The following OPCML variants were observed in gnomAD, a reference collection of about 807,000 sequenced individuals.
The protein encoded by OPCML is opioid binding protein/cell adhesion molecule like.
OPCML carries 13 observed loss-of-function variants against 37.8 expected under a neutral mutation model. The ratio of observed to expected loss-of-function variants is 0.34; its 90% CI spans 0.22 to 0.55. The LOEUF is 0.55. OPCML is among the 20% of genes least tolerant of loss of function. The pLI is 0.91. For synonymous variants in OPCML, 176 were observed against 168.8 expected (o/e 1.04, Z -0.33); for missense variants, 341 against 435.6 (o/e 0.78, Z 1.93).
intron 2 of OPCML, among the ~76,000 whole-genome samples, chr11:132,719,309 T>A (rs1471756648): frequency 1.3e-5 from 2 of 152,218 alleles, no homozygotes; most frequent in Non-Finnish European, 2.9e-5. Context: ...TTCCTGTTCA[T>A]ATGTTTGGTT....
At chr11:132,774,172 TGAG>T (rs1278688970) in intron 2 of OPCML, among the ~76,000 whole-genome samples, 1 of 152,176 alleles carries the variant, frequency 6.6e-6, no homozygotes, top group African/African-American at 2.4e-5. Flanking sequence ...CCATTTTAAA[TGAG>T]GCAGCTCCTA....
At chr11:133,390,130 A>G (rs755540505) in intron 1 of OPCML, among the ~76,000 whole-genome samples, 1 of 152,178 alleles carries the variant, frequency 6.6e-6, no homozygotes, top group Non-Finnish European at 1.5e-5. Flanking sequence ...TTTATAATTT[A>G]TGACTGGAAC....
At chr11:133,105,327 G>A (rs1005709507) in intron 1 of OPCML, among the ~76,000 whole-genome samples, 102 of 152,188 alleles carry the variant, frequency 6.7e-4, no homozygotes, top group Non-Finnish European at 1.0e-4. Context: ...CATTAACGAG[G>A]TTATGCAGTG....
chr11:133,438,289 A>G (rs1249063292), intron 1 of OPCML, among the ~76,000 whole-genome samples: 1 of 152,198 alleles, frequency 6.6e-6, no homozygotes, highest in East Asian at 1.9e-4. Flanking sequence ...TGTAACCACT[A>G]GAAGAATATA....
intron 2 of OPCML, among the ~76,000 whole-genome samples, chr11:132,723,287 G>A (rs758242274): frequency 6.6e-6 from 1 of 152,156 alleles, no homozygotes; most frequent in Non-Finnish European, 1.5e-5. Context: ...GCATTCATAT[G>A]GTGTGTTCTT....
At chr11:132,780,261 A>C (rs1565858035) in intron 2 of OPCML, among the ~76,000 whole-genome samples, 2 of 152,332 alleles carry the variant, frequency 1.3e-5, no homozygotes, top group South Asian at 4.1e-4. Flanking sequence ...TCTGCTCCAC[A>C]CTGTACGTGA....
chr11:133,015,371 T>TGAAGGAAGGAAGAAAGGAAGGAATGAAG (rs1947302374), intron 1 of OPCML, among the ~76,000 whole-genome samples: 2 of 57,624 alleles, frequency 3.5e-5, no homozygotes, highest in Non-Finnish European at 6.3e-5. Context: ...AAGGGAGGAA[T>TGAAGGAAGGAAGAAAGGAAGGAATGAAG]GAAGGAAGGA....
intron 4 of OPCML, among the ~76,000 whole-genome samples, chr11:132,501,275 C>A (rs1339838018): frequency 6.6e-6 from 1 of 152,156 alleles, no homozygotes; most frequent in Admixed American, 6.6e-5. Context: ...ACCATAAAAA[C>A]CCTCGAAGAA....
At chr11:133,207,806 T>A (rs1939156198) in intron 1 of OPCML, among the ~76,000 whole-genome samples, 1 of 152,158 alleles carries the variant, frequency 6.6e-6, no homozygotes, top group Non-Finnish European at 1.5e-5. Context: ...ACTATGATTA[T>A]CTTGCAATAT....
intron 2 of OPCML, among the ~76,000 whole-genome samples, chr11:132,884,641 G>T (rs1009070177): frequency 2.0e-5 from 3 of 152,310 alleles, no homozygotes; most frequent in South Asian, 2.1e-4. Context: ...GGTTTACTGA[G>T]ATGAAAACTG....
At chr11:133,187,287 C>T (rs532241506) in intron 1 of OPCML, among the ~76,000 whole-genome samples, 12 of 152,166 alleles carry the variant, frequency 7.9e-5, no homozygotes, top group Admixed American at 5.2e-4. Context: ...ACACATCCCA[C>T]GTCTTTCCAC....
chr11:133,115,757 G>A (rs1949323885), intron 1 of OPCML, among the ~76,000 whole-genome samples: 1 of 151,972 alleles, frequency 6.6e-6, no homozygotes, highest in South Asian at 2.1e-4. Context: ...AAACTTAGAG[G>A]AAAAACATGA....
intron 1 of OPCML, among the ~76,000 whole-genome samples, chr11:132,979,510 G>A (rs1946538796): frequency 6.6e-6 from 1 of 152,308 alleles, no homozygotes; most frequent in Middle Eastern, 3.4e-3. Context: ...CTGCCGAGAG[G>A]TTTTTGCTCC....
intron 2 of OPCML, among the ~76,000 whole-genome samples, chr11:132,900,661 T>G (rs949928082): frequency 2.6e-5 from 4 of 152,180 alleles, no homozygotes; most frequent in Admixed American, 2.0e-4. Context: ...CCAGCTCCAT[T>G]GGCTTGCTTT....
chr11:132,440,423 C>T (rs2096028630), intron 4 of OPCML, among the ~76,000 whole-genome samples: 1 of 152,060 alleles, frequency 6.6e-6, no homozygotes, highest in Non-Finnish European at 1.5e-5. Context: ...CCAGGGGCTG[C>T]CTCCATGGCT....
intron 1 of OPCML, among the ~76,000 whole-genome samples, chr11:132,999,575 G>C (rs554835453): frequency 6.6e-6 from 1 of 150,452 alleles, no homozygotes; most frequent in South Asian, 2.1e-4. Context: ...GGGTCGGGGG[G>C]GGAATGCCAC....
intron 1 of OPCML, among the ~76,000 whole-genome samples, chr11:133,092,003 T>C (rs1948914188): frequency 6.6e-6 from 1 of 152,176 alleles, no homozygotes; most frequent in East Asian, 1.9e-4. Flanking sequence ...ATGTGATAGC[T>C]GTAAGAGGTG....
At chr11:132,429,017 C>T (rs1178406448) in intron 7 of OPCML, among the ~76,000 whole-genome samples, 2 of 148,124 alleles carry the variant, frequency 1.4e-5, no homozygotes, top group African/African-American at 4.9e-5. Context: ...TATTTGTTGA[C>T]TAGATGAATG....
At chr11:132,494,214 G>A (rs919668193) in intron 4 of OPCML, among the ~76,000 whole-genome samples, 24 of 152,196 alleles carry the variant, frequency 1.6e-4, no homozygotes, top group Admixed American at 6.5e-4. Context: ...CAGTTGAAAC[G>A]TGTTGGGTTT....
Sources: gnomAD v4.1 joint callset for allele counts (sites outside exome capture counted in the v4.1 genomes callset) on GRCh38, gnomAD v4.1.1 for gene constraint, MANE v1.5 for transcripts, NCBI Gene and HGNC (gene_info 2026-07-23, HGNC 2026-07-21) for gene names.